MYO7B: variants seen among roughly 807,000 people sequenced by gnomAD.
MYO7B encodes unconventional myosin-VIIb.
In MYO7B, 212 loss-of-function variants were observed where a neutral mutation model predicts 259.7. The observed-to-expected ratio is 0.82, with a 90% CI of 0.73 to 0.91. The LOEUF is 0.91. Ranked by LOEUF, MYO7B falls within the 40% of genes least tolerant of loss-of-function variation. MYO7B has a pLI of 0.00. For synonymous variants in MYO7B, 1,197 were observed against 1,166.4 expected (o/e 1.03, Z -0.54); for missense variants, 2,732 against 2,813.5 (o/e 0.97, Z 0.66).
chr2:127,617,223 AAAG>A (rs546849220), intron 26 of MYO7B, among the ~76,000 whole-genome samples: 13 of 152,344 alleles, frequency 8.5e-5, no homozygotes, highest in South Asian at 4.1e-4. Context: ...TGTAGCTGCA[AAAG>A]AAGACGGTAC....
rs376461716 is a variant in MYO7B, at chr2:127,627,073, C to A, written c.4314C>A (p.Phe1438Leu). Residue 1438 changes from phenylalanine to leucine, a missense_variant, in exon 32 of 48, where the codon TTC becomes TTA. By Grantham distance (22) the Phe-to-Leu change is conservative. This residue lies in a region of MYO7B where 1,906 missense variants were observed against 2,026.4 expected (regional missense o/e 0.94). Coordinates refer to ENST00000409816, the MANE Select transcript of MYO7B (RefSeq NM_001393586.1). This position sits in a 1 kb window ranked among gnomAD's most constrained non-coding sequence, Gnocchi z 5.6. The stretch of plus-strand genomic sequence containing the variant: ...GGCCGCTGCTCTTCTCCCGGCTCTT[C>A]GAAGTCATCACACTCTCAGGTAATG... ...LQWPLLFSRL[F>L]EVITLSGPRL... is the part of the protein sequence containing the mutation. 4.3e-6 allele frequency: 7 copies of A among 1,611,202 alleles called. No homozygotes were observed. The East Asian group carries it at 1.3e-4, about 31-fold the overall frequency.
At chr2:127,552,055 C>T (rs772995595) in intron 1 of MYO7B, among the ~76,000 whole-genome samples, 6 of 152,170 alleles carry the variant, frequency 3.9e-5, no homozygotes, top group Admixed American at 6.5e-5. Context: ...TCACAGTATT[C>T]GCAGGAGGGT....
At chr2:127,557,239 T>C (rs1263550172) in intron 1 of MYO7B, among the ~76,000 whole-genome samples, 1 of 152,172 alleles carries the variant, frequency 6.6e-6, no homozygotes, top group African/African-American at 2.4e-5. Flanking sequence ...GTCCCTTGTT[T>C]CCTGAAGTTG....
intron 26 of MYO7B, 187 bp from the exon 27 acceptor site, chr2:127,620,153 G>A (rs1434787109): frequency 2.1e-5 from 12 of 567,804 alleles, no homozygotes; most frequent in Admixed American, 3.1e-5. Context: ...GAGAGGAATC[G>A]AGTAGGGATG....
At chr2:127,596,583 C>G (rs748677394) in intron 19 of MYO7B, 27 bp downstream of exon 19, 2 of 1,565,976 alleles carry the variant, frequency 1.3e-6, no homozygotes, top group Non-Finnish European at 1.7e-6. Flanking sequence ...AAGGCCCACC[C>G]AGCCTACTCC....
In MYO7B at chr2:127,569,932, GC is replaced by G. The variant is rs764697709; in HGVS notation, c.592+25del. The G allele has an allele frequency of 1.9e-6, 3 of 1,599,544 alleles. No individual in the cohort carries two copies. In the Admixed American group the frequency reaches 5.1e-5, roughly 27 times the overall value. On this transcript the variant is annotated intron_variant, in intron 6 of 47. Coordinates refer to ENST00000409816, the MANE Select transcript of MYO7B (RefSeq NM_001393586.1). ...GAGGGTAAGCATCACTCTGGGACCC[GC>G]CCTTCTCCCCCAGCCCCCCTGGAGC...
intron 19 of MYO7B, among the ~76,000 whole-genome samples, chr2:127,598,883 T>C (rs1363778312): frequency 6.6e-6 from 1 of 152,188 alleles, no homozygotes; most frequent in Non-Finnish European, 1.5e-5. Context: ...AACCTAGCGG[T>C]GTGGGTCTGT....
At chr2:127,608,522 T>C (rs979966385) in intron 21 of MYO7B, among the ~76,000 whole-genome samples, 186 bp from the exon 22 acceptor site, 2 of 152,260 alleles carry the variant, frequency 1.3e-5, no homozygotes, top group Non-Finnish European at 2.9e-5. Flanking sequence ...AAGCCCTGGC[T>C]GGTTGATCTC....
intron 37 of MYO7B, 67 bp downstream of exon 37, chr2:127,631,430 G>A: frequency 6.4e-7 from 1 of 1,565,396 alleles, no homozygotes; most frequent in Admixed American, 1.7e-5. Context: ...GCACATCCTG[G>A]CCCTACAGCT....
Position 127,564,138 on chromosome 2 carries a change from C to T in MYO7B, c.19-15C>T. 11 of 1,519,326 alleles carry T rather than the reference C, an allele frequency of 7.2e-6. No individual in the cohort carries two copies. The highest frequency in any genetic ancestry group is 9.8e-6 in the Non-Finnish European group (11 of 1,117,526). The allele number at this position is 1,519,326 out of a possible 1,614,324, so 94.1% of individuals were successfully genotyped here. ...AGAGCGGGGATCACACCACTGTCTT[C>T]TGTCTGCCCTCCAGGGTGACCACGT... On this transcript the variant is annotated splice_polypyrimidine_tract_variant and intron_variant, in intron 2 of 47. Coordinates refer to ENST00000409816, the MANE Select transcript of MYO7B (RefSeq NM_001393586.1).
At chr2:127,589,574 AG>A (rs1679463545) in intron 15 of MYO7B, among the ~76,000 whole-genome samples, 1 of 84,852 alleles carries the variant, frequency 1.2e-5, no homozygotes, top group Non-Finnish European at 2.4e-5. Flanking sequence ...ATGGGTGGTG[AG>A]TAGGTGGATG....
At chr2:127,626,282 G>T in intron 31 of MYO7B, 1 of 152,472 alleles carries the variant, frequency 6.6e-6, no homozygotes, top group Non-Finnish European at 1.5e-5. Flanking sequence ...AGGCACCCGG[G>T]ACACAGACTC....
intron 6 of MYO7B, 100 bp from the exon 7 acceptor site, chr2:127,573,820 G>A (rs1678745575): frequency 6.7e-7 from 1 of 1,481,744 alleles, no homozygotes; most frequent in Admixed American, 1.9e-5. Flanking sequence ...TTCAATTCGA[G>A]GCTTGGCCAC....
intron 42 of MYO7B, chr2:127,634,893 A>G (rs4662749): frequency 0.63 from 401,949 of 641,618 alleles, 130,645 homozygotes; most frequent in African/African-American, 0.89. Flanking sequence ...AGGATGCCCC[A>G]GGGCTGAGGG....
intron 26 of MYO7B, among the ~76,000 whole-genome samples, chr2:127,618,263 G>A (rs1039827345): frequency 6.6e-6 from 1 of 152,192 alleles, no homozygotes; most frequent in Non-Finnish European, 1.5e-5. Context: ...AACGAAGGGG[G>A]ATGAACGTAG....
intron 31 of MYO7B, 22 bp from the exon 32 acceptor site, chr2:127,626,953 G>T (rs1308830202): frequency 6.3e-7 from 1 of 1,593,334 alleles, no homozygotes; most frequent in South Asian, 1.1e-5. Flanking sequence ...TGACGGAGGT[G>T]ACATCCAGGA....
chr2:127,541,061 C>G (rs1692985506), intron 1 of MYO7B, among the ~76,000 whole-genome samples: 1 of 152,210 alleles, frequency 6.6e-6, no homozygotes, highest in South Asian at 2.1e-4. Flanking sequence ...GACATCATCT[C>G]CAGGCTATCT....
intron 7 of MYO7B, among the ~76,000 whole-genome samples, chr2:127,575,059 C>T: frequency 6.6e-6 from 1 of 152,142 alleles, no homozygotes; most frequent in East Asian, 1.9e-4. Flanking sequence ...GAGAATGCCA[C>T]CAACAGAGGG....
rs1681738349 is a variant in MYO7B, at chr2:127,635,226, G to C, written c.5820G>C (p.Gln1940His). The stretch of plus-strand genomic sequence containing the variant: ...CAGACACCATACTCCATTACCACCA[G>C]GTACCGGGCAGGCTGCCCTGGTGGG... The part of the protein sequence containing the change: ...VNADTILHYH[Q>H]ELPKYLRGFH... Residue 1940 changes from glutamine (Q) to histidine (H), a missense_variant and splice_region_variant, in exon 43 of 48, where the codon CAG (glutamine) becomes CAC (histidine). Gln to His is a conservative substitution (Grantham distance 24). This residue lies in a region of MYO7B where 821 missense variants were observed against 769.3 expected (regional missense o/e 1.07). Transcript: ENST00000409816. 1 of 1,612,120 alleles carries C rather than the reference G, an allele frequency of 6.2e-7. No homozygotes were observed. Among genetic ancestry groups the C allele is most frequent in the Non-Finnish European group, 8.5e-7 (1 of 1,179,122 alleles).
Sources: allele counts gnomAD v4.1 joint callset (sites outside exome capture counted in the v4.1 genomes callset), GRCh38; gene constraint gnomAD v4.1.1; regional missense constraint gnomAD v4.1.1; non-coding constraint Gnocchi (gnomAD v3.1); transcripts MANE v1.5; gene names NCBI Gene and HGNC (gene_info 2026-07-23, HGNC 2026-07-21).